CDH12: variants seen among roughly 807,000 people sequenced by gnomAD.
CDH12 encodes the protein cadherin-12.
Under a neutral mutation model 74.1 loss-of-function variants are expected in CDH12, and 41 were observed. The observed-to-expected ratio is 0.55, with a 90% confidence interval of 0.43 to 0.72. The LOEUF (loss-of-function observed/expected upper bound fraction) is 0.72, where lower values mean the gene tolerates loss of function less well. CDH12 is among the 30% of genes least tolerant of loss of function. CDH12 has a pLI of 0.00. For synonymous variants in CDH12, 399 were observed against 355.0 expected, an observed-to-expected ratio of 1.12 and a Z score of -1.39; for missense variants, 945 against 977.2, an observed-to-expected ratio of 0.97 and a Z score of 0.44.
intron 5 of CDH12, among the ~76,000 whole-genome samples, chr5:21,976,460 T>C (rs1757075949): frequency 6.6e-6 from 1 of 150,790 alleles, no homozygotes; most frequent in Non-Finnish European, 1.5e-5. Context: ...ACATAAAATA[T>C]TACATAAAAT....
intron 6 of CDH12, among the ~76,000 whole-genome samples, chr5:21,969,455 A>G (rs1218394737): frequency 3.3e-5 from 5 of 152,092 alleles, no homozygotes; most frequent in African/African-American, 9.7e-5. Context: ...TAAATAGACT[A>G]TGGCTTCAAT....
chr5:22,570,086 C>T (rs1164019141), intron 1 of CDH12, among the ~76,000 whole-genome samples: 3 of 151,730 alleles, frequency 2.0e-5, no homozygotes, highest in Non-Finnish European at 2.9e-5. Context: ...GACCGAGTCT[C>T]GCTGCGATGC....
At chr5:21,997,825 A>G (rs1736386605) in intron 5 of CDH12, among the ~76,000 whole-genome samples, 1 of 152,260 alleles carries the variant, frequency 6.6e-6, no homozygotes, top group African/African-American at 2.4e-5. Context: ...AGATGATTAT[A>G]TCTAAAGTAA....
At chr5:22,630,497 A>G (rs1415782618) in intron 1 of CDH12, among the ~76,000 whole-genome samples, 1 of 152,102 alleles carries the variant, frequency 6.6e-6, no homozygotes, top group Non-Finnish European at 1.5e-5. Flanking sequence ...ATCTCCACCT[A>G]CAAGCATCTG....
At chr5:22,819,776 G>T (rs1172537369) in intron 1 of CDH12, among the ~76,000 whole-genome samples, 2 of 150,230 alleles carry the variant, frequency 1.3e-5, no homozygotes, top group African/African-American at 4.9e-5. Context: ...CAGAATAAAT[G>T]GTCATAGAAA....
At chr5:22,139,952 A>C (rs896218785) in intron 4 of CDH12, among the ~76,000 whole-genome samples, 14 of 152,000 alleles carry the variant, frequency 9.2e-5, no homozygotes, top group Non-Finnish European at 1.5e-4. Context: ...GTTCATCATG[A>C]AGAACTACTT....
intron 11 of CDH12, among the ~76,000 whole-genome samples, chr5:21,772,220 A>C (rs1250160783): frequency 6.6e-6 from 1 of 152,062 alleles, no homozygotes; most frequent in Admixed American, 6.6e-5. Flanking sequence ...TATCTCCTCA[A>C]TGTGTACCTC....
chr5:21,824,218 A>G (rs1016792879), intron 8 of CDH12, among the ~76,000 whole-genome samples: 1 of 151,772 alleles, frequency 6.6e-6, no homozygotes, highest in Non-Finnish European at 1.5e-5. Context: ...TTTTTTTTTC[A>G]TCATCTCCTT....
intron 6 of CDH12, among the ~76,000 whole-genome samples, chr5:21,945,506 T>C (rs1007795534): frequency 1.4e-5 from 2 of 143,220 alleles, no homozygotes; most frequent in African/African-American, 2.6e-5. Context: ...ATCATAAAAG[T>C]GTTTAAATAA....
chr5:22,637,747 A>C (rs766901485), intron 1 of CDH12, among the ~76,000 whole-genome samples: 11 of 152,238 alleles, frequency 7.2e-5, no homozygotes, highest in Non-Finnish European at 1.3e-4. Context: ...AGTCTCAATC[A>C]TCAAAGCATA....
In CDH12 at chr5:22,764,150, C is replaced by A. The variant is rs182440509; in HGVS notation, c.-523+88908G>T. Reference sequence around the variant, plus strand: ...AGTAACACATACAAAAAATAATATACTCTTTATACAGATTCTTTAATTGTT... The same window carrying A: ...AGTAACACATACAAAAAATAATATAATCTTTATACAGATTCTTTAATTGTT... On this transcript the variant is annotated intron_variant, in intron 1 of 14. Coordinates refer to ENST00000382254, the MANE Select transcript of CDH12 (RefSeq NM_004061.5). Among the ~76,000 whole-genome samples, 4 of 151,834 alleles carry A rather than the reference C, an allele frequency of 2.6e-5. No individual in the cohort carries two copies. In the East Asian group the frequency reaches 5.8e-4, roughly 22 times the overall value.
intron 1 of CDH12, among the ~76,000 whole-genome samples, chr5:22,842,457 GA>G (rs914075507): frequency 1.3e-5 from 2 of 152,088 alleles, no homozygotes; most frequent in Non-Finnish European, 2.9e-5. Context: ...GTGTATGCAA[GA>G]GAGTTTTTTG....
intron 1 of CDH12, among the ~76,000 whole-genome samples, chr5:22,696,915 G>C (rs1340428656): frequency 6.6e-6 from 1 of 151,692 alleles, no homozygotes; most frequent in Non-Finnish European, 1.5e-5. Context: ...CCAGAACCTT[G>C]GTCTCTAGCA....
At chr5:22,293,375 C>T (rs916429372) in intron 3 of CDH12, among the ~76,000 whole-genome samples, 1 of 152,208 alleles carries the variant, frequency 6.6e-6, no homozygotes, top group African/African-American at 2.4e-5. Flanking sequence ...CATTTGAGTG[C>T]TCATTTTCTT....
At chr5:22,486,376 G>A (rs931701366) in intron 2 of CDH12, among the ~76,000 whole-genome samples, 1 of 151,088 alleles carries the variant, frequency 6.6e-6, no homozygotes, top group Admixed American at 6.6e-5. Context: ...GATAATCTAA[G>A]TCAATACAAC....
rs976631915 is a variant in CDH12, at chr5:22,832,808, T to C, written c.-523+20250A>G. On this transcript the variant is annotated intron_variant, in intron 1 of 14. Transcript: ENST00000382254. ...CAAACATTTCAATCACCAACAAATA[T>C]CTTTGATACAAATATTATTTTTGCT... is the stretch of plus-strand genomic sequence containing the variant. Among the ~76,000 whole-genome samples, 6 of 152,126 alleles carry C rather than the reference T, an allele frequency of 3.9e-5. No homozygotes were observed. In the East Asian group the frequency reaches 1.2e-3, roughly 29 times the overall value.
intron 4 of CDH12, among the ~76,000 whole-genome samples, chr5:22,116,187 A>G (rs1305712337): frequency 2.0e-5 from 3 of 152,164 alleles, no homozygotes; most frequent in Non-Finnish European, 2.9e-5. Context: ...TTTATGGCAG[A>G]AAAGGTAGTG....
chr5:21,779,571 C>A (rs139828893), intron 11 of CDH12: 171 of 152,278 alleles, frequency 1.1e-3, no homozygotes, highest in African/African-American at 4.0e-3. Flanking sequence ...GGACCTCCAA[C>A]TATAGCAACA....
chr5:22,075,275 A>C (rs1742229672), intron 5 of CDH12, among the ~76,000 whole-genome samples: 1 of 130,968 alleles, frequency 7.6e-6, no homozygotes, highest in Non-Finnish European at 1.5e-5. Context: ...ACACTCGGAC[A>C]CTTGAAGGGG....
Sources: allele counts gnomAD v4.1 joint callset (sites outside exome capture counted in the v4.1 genomes callset), GRCh38; gene constraint gnomAD v4.1.1; transcripts MANE v1.5; gene names NCBI Gene and HGNC (gene_info 2026-07-23, HGNC 2026-07-21).